Variants in TMEM108 observed in about 807,000 individuals in gnomAD.
TMEM108 encodes the protein cancer/testis antigen 124.
In TMEM108, 12 loss-of-function variants were observed where a neutral mutation model predicts 35.1. The observed-to-expected ratio is 0.34, with a 90% CI of 0.22 to 0.55. The LOEUF (loss-of-function observed/expected upper bound fraction) is 0.55, where lower values mean the gene tolerates loss of function less well. TMEM108 is among the 20% of genes least tolerant of loss of function. The pLI, the probability that TMEM108 is intolerant of heterozygous loss-of-function variation, is 0.89. For missense variants in TMEM108, 680 were observed against 753.3 expected, an observed-to-expected ratio of 0.90 and a Z score of 1.14; for synonymous variants, 287 against 308.6, an observed-to-expected ratio of 0.93 and a Z score of 0.73.
chr3:133,244,655 T>C (rs886115369), intron 3 of TMEM108, among the ~76,000 whole-genome samples: 1 of 152,250 alleles, frequency 6.6e-6, no homozygotes, highest in African/African-American at 2.4e-5. Flanking sequence ...TCCTTGATAA[T>C]GTTTTGCCAC....
At chr3:133,267,981 C>T (rs1013410130) in intron 3 of TMEM108, among the ~76,000 whole-genome samples, 41 of 152,126 alleles carry the variant, frequency 2.7e-4, no homozygotes, top group Admixed American at 2.7e-3. Flanking sequence ...CACAAAGGCA[C>T]GAAACAGGGA....
At chr3:133,105,708 C>T (rs1347812908) in intron 2 of TMEM108, among the ~76,000 whole-genome samples, 1 of 152,212 alleles carries the variant, frequency 6.6e-6, no homozygotes, top group African/African-American at 2.4e-5. Context: ...CTCTCGTCCA[C>T]AAGTAGAGGG....
chr3:133,324,905 GACGGAGGTT>G (rs1559904990), intron 3 of TMEM108, among the ~76,000 whole-genome samples: 1 of 152,196 alleles, frequency 6.6e-6, no homozygotes, highest in Admixed American at 6.5e-5. Flanking sequence ...CAACCTGGGA[GACGGAGGTT>G]ACAGTGAGCT....
chr3:133,284,306 T>C (rs961149862), intron 3 of TMEM108, among the ~76,000 whole-genome samples: 3 of 152,198 alleles, frequency 2.0e-5, no homozygotes, highest in Non-Finnish European at 2.9e-5. Flanking sequence ...GGTTAGCCCT[T>C]TCCTCCACCT....
At chr3:133,085,578 A>G (rs939048179) in intron 2 of TMEM108, among the ~76,000 whole-genome samples, 1 of 152,146 alleles carries the variant, frequency 6.6e-6, no homozygotes, top group African/African-American at 2.4e-5. Context: ...ACAATCAATT[A>G]TAGTCATTAT....
chr3:133,078,140 A>AGTGTGTGTGTGT (rs745912251), intron 2 of TMEM108, among the ~76,000 whole-genome samples: 3 of 106,224 alleles, frequency 2.8e-5, no homozygotes, highest in African/African-American at 4.5e-5. Flanking sequence ...TATGGAGCTC[A>AGTGTGTGTGTGT]GTGTGTGTGT....
At chr3:133,067,917 GA>G (rs1165879717) in intron 2 of TMEM108, among the ~76,000 whole-genome samples, 1 of 151,474 alleles carries the variant, frequency 6.6e-6, no homozygotes. Flanking sequence ...AAAAAAAAAA[GA>G]AACTGGAAAG....
chr3:133,076,855 G>A (rs907436867), intron 2 of TMEM108, among the ~76,000 whole-genome samples: 1 of 152,230 alleles, frequency 6.6e-6, no homozygotes, highest in African/African-American at 2.4e-5. Context: ...CTGGAGTCAA[G>A]CTTAGGTCAC....
intron 4 of TMEM108, chr3:133,389,506 A>G: frequency 3.8e-6 from 2 of 532,958 alleles, no homozygotes; most frequent in Non-Finnish European, 4.8e-6. Context: ...CAACATGGCA[A>G]AACCCTGTCT....
chr3:133,100,606 TAAATA>T (rs923916839), intron 2 of TMEM108, among the ~76,000 whole-genome samples: 1 of 152,084 alleles, frequency 6.6e-6, no homozygotes, highest in Non-Finnish European at 1.5e-5. Context: ...CCCTGTCTCA[TAAATA>T]AAATAAAGAT....
At chr3:133,083,900 C>T (rs1943847138) in intron 2 of TMEM108, among the ~76,000 whole-genome samples, 1 of 151,932 alleles carries the variant, frequency 6.6e-6, no homozygotes, top group African/African-American at 2.4e-5. Context: ...ATATGGTAAT[C>T]CATTCTGAAT....
intron 2 of TMEM108, among the ~76,000 whole-genome samples, chr3:133,215,524 A>G (rs1014580536): frequency 6.6e-6 from 1 of 152,152 alleles, no homozygotes; most frequent in Middle Eastern, 3.2e-3. Flanking sequence ...GTGTCCACTA[A>G]TGACCATGAA....
chr3:133,270,174 C>G (rs577711781), intron 3 of TMEM108, among the ~76,000 whole-genome samples: 2 of 152,166 alleles, frequency 1.3e-5, no homozygotes, highest in South Asian at 4.1e-4. Context: ...GTCCTCCTTT[C>G]CTTACTCGGC....
intron 2 of TMEM108, among the ~76,000 whole-genome samples, chr3:133,057,343 T>TTTAATTTTTTG (rs146663808): frequency 4.7e-5 from 7 of 150,226 alleles, no homozygotes; most frequent in African/African-American, 1.7e-4. Flanking sequence ...TAAATTTTTT[T>TTTAATTTTTTG]TCTACTCAAA....
chr3:133,310,243 G>C (rs145633962), intron 3 of TMEM108, among the ~76,000 whole-genome samples: 38 of 152,240 alleles, frequency 2.5e-4, no homozygotes, highest in African/African-American at 8.7e-4. Context: ...TTGAGTTCAA[G>C]TCCCGGATAT....
chr3:133,361,235 A>G (rs2072339707), intron 3 of TMEM108, among the ~76,000 whole-genome samples: 1 of 152,242 alleles, frequency 6.6e-6, no homozygotes, highest in Non-Finnish European at 1.5e-5. Context: ...CACATGCATT[A>G]GAGTGTGGCC....
chr3:133,124,957 G>A (rs1352450045), intron 2 of TMEM108: 3 of 152,258 alleles, frequency 2.0e-5, no homozygotes, highest in South Asian at 2.1e-4. Flanking sequence ...AGCTAAACAT[G>A]TGGGGAAAAT....
At chr3:133,212,590 G>C (rs1047199185) in intron 2 of TMEM108, among the ~76,000 whole-genome samples, 2 of 152,034 alleles carry the variant, frequency 1.3e-5, no homozygotes, top group African/African-American at 2.4e-5. Context: ...AGAACGGCCA[G>C]GCATGGTGTC....
At chr3:133,347,561 G>A (rs113745986) in intron 3 of TMEM108, among the ~76,000 whole-genome samples, 28 of 151,990 alleles carry the variant, frequency 1.8e-4, no homozygotes, top group African/African-American at 5.5e-4. Flanking sequence ...GATTTTCTAC[G>A]TTGGCAATCA....
Sources: gnomAD v4.1 joint callset for allele counts (sites outside exome capture counted in the v4.1 genomes callset) on GRCh38, gnomAD v4.1.1 for gene constraint, MANE v1.5 for transcripts, NCBI Gene and HGNC (gene_info 2026-07-23, HGNC 2026-07-21) for gene names.